The following CLINT1 variants were observed in gnomAD, a reference collection of about 807,000 sequenced individuals.
CLINT1 encodes the protein clathrin interactor 1.
CLINT1 carries 15 observed loss-of-function variants against 70.4 expected under a neutral mutation model. The observed-to-expected ratio is 0.21, with a 90% CI of 0.14 to 0.33. The LOEUF is 0.33. Ranked by LOEUF, CLINT1 falls within the 10% of genes least tolerant of loss-of-function variation. The pLI, the probability that CLINT1 is intolerant of heterozygous loss-of-function variation, is 1.00. For synonymous variants in CLINT1, 227 were observed against 254.7 expected (o/e 0.89, Z 1.04); for missense variants, 615 against 778.1 (o/e 0.79, Z 2.49).
intron 6 of CLINT1, 24 bp downstream of exon 6, chr5:157,809,604 C>T: frequency 6.4e-7 from 1 of 1,574,262 alleles, no homozygotes; most frequent in Non-Finnish European, 8.6e-7. Context: ...TCTAAGAGAC[C>T]CGGGAGACAA....
In CLINT1 at chr5:157,817,451, C is replaced by G. The variant is rs1449524770; in HGVS notation, c.138G>C (p.Glu46Asp). 1.3e-6 allele frequency: 2 copies of G among 1,590,718 alleles called. No homozygotes were observed. Among genetic ancestry groups the G allele is most frequent in the East Asian group, 2.2e-5 (1 of 44,458 alleles). Residue 46 changes from glutamate (E) to aspartate (D), a missense_variant, in exon 2 of 12, where the codon GAG becomes GAC. Glu to Asp is a conservative substitution (Grantham distance 45). Around this residue, in one of 2 missense-constraint regions of CLINT1, gnomAD observed 241 missense variants for 368.6 expected, o/e 0.65. Coordinates refer to ENST00000411809, the MANE Select transcript of CLINT1 (RefSeq NM_014666.4). ...GTCAAATTATCACTTACTTGGCAAT[C>G]TCTCCCATGAGTTGCCCAGAAGGTC... ...PWGPSGQLMG[E>D]IAKATFMYEQ... is the part of the protein sequence containing the mutation.
At chr5:157,817,713 A>T (rs557531358) in intron 1 of CLINT1, among the ~76,000 whole-genome samples, 166 bp from the exon 2 acceptor site, 5 of 152,360 alleles carry the variant, frequency 3.3e-5, no homozygotes, top group Admixed American at 2.6e-4. Context: ...ACACTATGTA[A>T]CACACTTAAG....
intron 1 of CLINT1, among the ~76,000 whole-genome samples, chr5:157,821,087 G>A (rs186936819): frequency 2.0e-5 from 3 of 151,838 alleles, no homozygotes; most frequent in Admixed American, 2.0e-4. Flanking sequence ...TTAAAGTACC[G>A]GCAACCATTA....
rs202044066 is a variant in CLINT1, at chr5:157,837,649, C to CTTTTTTTTTTTTTTTTTT, written c.42-20103_42-20102insAAAAAAAAAAAAAAAAAA. Among the ~76,000 whole-genome samples, 2 of 138,554 alleles carry CTTTTTTTTTTTTTTTTTT rather than the reference C, an allele frequency of 1.4e-5. 1 individual carries two copies. The highest frequency in any genetic ancestry group is 5.5e-5 in the African/African-American group (2 of 36,336). The allele number at this position is 138,554 out of a possible 152,430, so 90.9% of individuals were successfully genotyped here. A position where few individuals can be genotyped will look rare whatever the true frequency, so the allele number is the denominator to read the frequency against. ...CCAGCAAATTTCTCAAGCTCTTTTA[C>CTTTTTTTTTTTTTTTTTT]TTTTTTTTTTTTTGAGACGGAGTCT... On this transcript the variant is annotated intron_variant, in intron 1 of 11. Coordinates refer to ENST00000411809, the MANE Select transcript of CLINT1 (RefSeq NM_014666.4).
intron 1 of CLINT1, among the ~76,000 whole-genome samples, chr5:157,846,183 A>G (rs1291269631): frequency 1.3e-5 from 2 of 152,244 alleles, no homozygotes; most frequent in Non-Finnish European, 2.9e-5. Context: ...GATTAAGCTT[A>G]GGAAGGTATG....
At chr5:157,823,842 G>A (rs546009000) in intron 1 of CLINT1, 17 of 211,948 alleles carry the variant, frequency 8.0e-5, no homozygotes, top group East Asian at 3.7e-4. Context: ...AGTGGCGAGC[G>A]AGCGTCACTG....
At chr5:157,815,120 T>TACACACACACACACACAC (rs150242169) in intron 3 of CLINT1, among the ~76,000 whole-genome samples, 9 of 142,116 alleles carry the variant, frequency 6.3e-5, no homozygotes, top group African/African-American at 1.3e-4. Context: ...TCTTCACACA[T>TACACACACACACACACAC]ACACACACAC....
chr5:157,787,845 G>A lies in CLINT1; in HGVS notation c.1679C>T (p.Thr560Ile), dbSNP rs760654973. 9.3e-6 allele frequency: 15 copies of A among 1,613,774 alleles called. No homozygotes were observed. The highest frequency in any genetic ancestry group is 1.1e-5 in the Non-Finnish European group (13 of 1,179,866). The change falls in exon 12 of 12, where the codon ACC becomes ATC. Residue 560 changes from threonine to isoleucine, a missense_variant. Around this residue, in one of 2 missense-constraint regions of CLINT1, gnomAD observed 374 missense variants for 409.6 expected, o/e 0.91. Coordinates refer to ENST00000411809, the MANE Select transcript of CLINT1 (RefSeq NM_014666.4). ...PMSMPNVMTGTMGMAPLGNTP... is the reference protein window; with the variant it reads ...PMSMPNVMTGIMGMAPLGNTP... ...ATTTCCAAGAGGGGCCATTCCCATG[G>A]TGCCAGTCATCACATTGGGCATGCT...
intron 10 of CLINT1, 172 bp from the exon 11 acceptor site, chr5:157,789,685 A>G (rs1287817704): frequency 1.3e-6 from 1 of 772,832 alleles, no homozygotes; most frequent in East Asian, 2.7e-5. Context: ...GTTCTATGCT[A>G]ATGTCTTCAA....
chr5:157,852,820 T>C (rs17055041), intron 1 of CLINT1, among the ~76,000 whole-genome samples: 19,023 of 152,202 alleles, frequency 0.12, 1,247 homozygotes, highest in Admixed American at 0.16. Flanking sequence ...CAAATTATTA[T>C]AAAAATACAT....
Position 157,806,850 on chromosome 5 carries a change from G to T in CLINT1, c.696-738C>A, listed in dbSNP as rs115840997. ...TTCCTTTTTCTTTAATAGTGAAAAA[G>T]ATTTTAAAAACTAAACAGTAAAAGC... On this transcript the variant is annotated intron_variant, in intron 6 of 11. Coordinates refer to ENST00000411809, the MANE Select transcript of CLINT1 (RefSeq NM_014666.4). 3.8e-3 allele frequency among the ~76,000 whole-genome samples: 585 copies of T among 151,972 alleles called. 4 individuals are homozygous for T. The highest frequency in any genetic ancestry group is 0.014 in the African/African-American group (563 of 41,488).
At chr5:157,845,790 G>A (rs1395780040) in intron 1 of CLINT1, among the ~76,000 whole-genome samples, 3 of 152,082 alleles carry the variant, frequency 2.0e-5, no homozygotes, top group African/African-American at 7.2e-5. Flanking sequence ...TCCTGACCTC[G>A]TGATCCGCCT....
intron 1 of CLINT1, among the ~76,000 whole-genome samples, chr5:157,827,462 T>C (rs1763075549): frequency 6.6e-6 from 1 of 152,168 alleles, no homozygotes; most frequent in African/African-American, 2.4e-5. Flanking sequence ...AAAAAAAATA[T>C]TTAAACCAGG....
intron 10 of CLINT1, 28 bp from the exon 11 acceptor site, chr5:157,789,541 C>T (rs1479382034): frequency 6.2e-7 from 1 of 1,613,944 alleles, no homozygotes; most frequent in East Asian, 2.2e-5. Context: ...TAGGCTTCTG[C>T]AGCACTGTGC....
At chr5:157,800,055 A>C (rs147566267) in intron 8 of CLINT1, among the ~76,000 whole-genome samples, 84 of 152,280 alleles carry the variant, frequency 5.5e-4, no homozygotes, top group African/African-American at 2.0e-3. Flanking sequence ...AAGCAACTGA[A>C]ACACCATGTG....
chr5:157,849,458 G>A (rs1753498300), intron 1 of CLINT1, among the ~76,000 whole-genome samples: 2 of 152,148 alleles, frequency 1.3e-5, no homozygotes, highest in Admixed American at 6.5e-5. Flanking sequence ...TATATGAACT[G>A]GGAAACTAAA....
intron 10 of CLINT1, 174 bp downstream of exon 10, chr5:157,791,529 G>A: frequency 1.6e-6 from 1 of 626,086 alleles, no homozygotes; most frequent in Non-Finnish European, 2.7e-6. Flanking sequence ...TATGCTAGGG[G>A]AGAGTATGAG....
At chr5:157,805,123 A>C (rs905912440) in intron 7 of CLINT1, among the ~76,000 whole-genome samples, 7 of 152,242 alleles carry the variant, frequency 4.6e-5, no homozygotes, top group African/African-American at 1.7e-4. Flanking sequence ...GCAACTAAGC[A>C]GGCCTGGTTT....
chr5:157,853,111 G>A (rs11743134), intron 1 of CLINT1, among the ~76,000 whole-genome samples: 1 of 151,916 alleles, frequency 6.6e-6, no homozygotes, highest in Non-Finnish European at 1.5e-5. Flanking sequence ...CCTTTGGGAG[G>A]CTAAGGCAGG....
Sources: allele counts gnomAD v4.1 joint callset (sites outside exome capture counted in the v4.1 genomes callset), GRCh38; gene constraint gnomAD v4.1.1; regional missense constraint gnomAD v4.1.1; transcripts MANE v1.5; gene names NCBI Gene and HGNC (gene_info 2026-07-23, HGNC 2026-07-21).